The following SGCZ variants were observed in gnomAD, a reference collection of about 807,000 sequenced individuals.
SGCZ encodes zeta-sarcoglycan.
SGCZ carries 40 observed loss-of-function variants against 41.3 expected under a neutral mutation model. The observed-to-expected ratio is 0.97, with a 90% confidence interval of 0.75 to 1.26. SGCZ has a LOEUF of 1.26. SGCZ is among the 50% of genes most tolerant of loss of function. The probability of loss-of-function intolerance (pLI) is 0.00; values close to 1 mark genes in which losing one functional copy is unlikely to be tolerated. For missense variants in SGCZ, 552 were observed against 369.8 expected (o/e 1.49, Z -4.04); for synonymous variants, 206 against 137.5 (o/e 1.50, Z -3.49).
chr8:15,058,506 T>G (rs1175112117), intron 1 of SGCZ, among the ~76,000 whole-genome samples: 1 of 152,216 alleles, frequency 6.6e-6, no homozygotes, highest in Admixed American at 6.5e-5. Flanking sequence ...TAACAAATCT[T>G]AAAAATCTTA....
At chr8:14,100,181 TA>T (rs989049894) in intron 7 of SGCZ, among the ~76,000 whole-genome samples, 153 of 150,886 alleles carry the variant, frequency 1.0e-3, no homozygotes, top group African/African-American at 3.2e-3. Flanking sequence ...TTTGTTACTA[TA>T]AAAAAAAACC....
chr8:14,153,278 T>C (rs944344488), intron 5 of SGCZ, among the ~76,000 whole-genome samples: 3 of 152,196 alleles, frequency 2.0e-5, no homozygotes, highest in Non-Finnish European at 2.9e-5. Context: ...ATTTCCCCCA[T>C]AAACTCAGGA....
chr8:14,793,784 T>C (rs541725998), intron 1 of SGCZ, among the ~76,000 whole-genome samples: 1 of 152,284 alleles, frequency 6.6e-6, no homozygotes, highest in East Asian at 1.9e-4. Context: ...GGTTGTCTAC[T>C]TCTCTTTCAC....
At chr8:14,512,696 C>G (rs1802502842) in intron 2 of SGCZ, among the ~76,000 whole-genome samples, 1 of 151,674 alleles carries the variant, frequency 6.6e-6, no homozygotes, top group African/African-American at 2.4e-5. Context: ...AACCCCTGGT[C>G]TCAAGTAATC....
At chr8:14,362,241 A>T (rs1217872050) in intron 2 of SGCZ, among the ~76,000 whole-genome samples, 2 of 152,190 alleles carry the variant, frequency 1.3e-5, no homozygotes, top group East Asian at 1.9e-4. Context: ...GGGACATTTA[A>T]GTCTGCAGAA....
intron 1 of SGCZ, among the ~76,000 whole-genome samples, chr8:15,059,911 A>G (rs536219791): frequency 8.4e-4 from 128 of 152,322 alleles, no homozygotes; most frequent in Non-Finnish European, 1.8e-4. Context: ...GGGGAATAGA[A>G]CAATGGGTGT....
At chr8:14,704,776 C>G (rs1372780572) in intron 1 of SGCZ, among the ~76,000 whole-genome samples, 1 of 151,794 alleles carries the variant, frequency 6.6e-6, no homozygotes, top group African/African-American at 2.4e-5. Flanking sequence ...TCCTTCTACT[C>G]CTCTTTAAAA....
chr8:14,310,516 T>G (rs1801499543), intron 3 of SGCZ, among the ~76,000 whole-genome samples: 1 of 152,166 alleles, frequency 6.6e-6, no homozygotes, highest in Admixed American at 6.6e-5. Context: ...TTTTTTATTT[T>G]TATTATACTT....
Position 15,198,018 on chromosome 8 carries a change from A to G in SGCZ, c.39+39567T>C, listed in dbSNP as rs182227496. 5.5e-3 allele frequency among the ~76,000 whole-genome samples: 822 copies of G among 148,622 alleles called. 6 individuals carry two copies. The highest frequency in any genetic ancestry group is 0.019 in the African/African-American group (773 of 40,902). On this transcript the variant is annotated intron_variant, in intron 1 of 7. Coordinates refer to ENST00000382080, the MANE Select transcript of SGCZ (RefSeq NM_139167.4). ...TTTACATAATTACATATGTAAATAT[A>G]TGTATTATGTTACATTATATATTTA...
At chr8:14,421,440 T>C (rs1243673155) in intron 2 of SGCZ, among the ~76,000 whole-genome samples, 42 of 152,154 alleles carry the variant, frequency 2.8e-4, no homozygotes, top group Admixed American at 2.6e-3. Context: ...TACCAGGTCT[T>C]GGGATCCCAC....
intron 1 of SGCZ, among the ~76,000 whole-genome samples, chr8:14,996,588 A>G (rs1802227446): frequency 6.6e-6 from 1 of 152,102 alleles, no homozygotes; most frequent in Non-Finnish European, 1.5e-5. Flanking sequence ...TCTAATTGTC[A>G]TTGAGGAAGT....
At chr8:14,945,043 G>A (rs759277370) in intron 1 of SGCZ, among the ~76,000 whole-genome samples, 1 of 151,784 alleles carries the variant, frequency 6.6e-6, no homozygotes, top group African/African-American at 2.4e-5. Context: ...CTTCCATCCT[G>A]TGAAAGTTTG....
chr8:14,822,862 T>C (rs117610794), intron 1 of SGCZ, among the ~76,000 whole-genome samples: 1 of 152,016 alleles, frequency 6.6e-6, no homozygotes, highest in African/African-American at 2.4e-5. Flanking sequence ...GTGACCAGCG[T>C]GTGCAACATT....
At chr8:14,998,463 T>C (rs1024190236) in intron 1 of SGCZ, among the ~76,000 whole-genome samples, 1 of 152,222 alleles carries the variant, frequency 6.6e-6, no homozygotes, top group African/African-American at 2.4e-5. Context: ...GACAGATAGA[T>C]AGCCTGGCAT....
intron 2 of SGCZ, among the ~76,000 whole-genome samples, chr8:14,429,785 G>C (rs914412890): frequency 8.6e-5 from 13 of 151,886 alleles, no homozygotes; most frequent in African/African-American, 2.9e-4. Flanking sequence ...AGTTTTCTTG[G>C]ACTTGTTTTT....
chr8:14,874,115 C>T (rs886865515), intron 1 of SGCZ, among the ~76,000 whole-genome samples: 1 of 152,104 alleles, frequency 6.6e-6, no homozygotes, highest in Non-Finnish European at 1.5e-5. Context: ...TTAATTGAAA[C>T]TGCAGTTCAG....
chr8:15,005,059 C>A (rs1364941014), intron 1 of SGCZ, among the ~76,000 whole-genome samples: 1 of 152,192 alleles, frequency 6.6e-6, no homozygotes, highest in Non-Finnish European at 1.5e-5. Flanking sequence ...TTCTAGATCA[C>A]TTCACACGGT....
At chr8:14,373,701 C>A (rs1419134893) in intron 2 of SGCZ, among the ~76,000 whole-genome samples, 1 of 152,076 alleles carries the variant, frequency 6.6e-6, no homozygotes, top group East Asian at 1.9e-4. Flanking sequence ...TGGTGGAATG[C>A]TGGGGGCAAA....
chr8:14,937,431 G>C (rs1800119865), intron 1 of SGCZ, among the ~76,000 whole-genome samples: 1 of 151,924 alleles, frequency 6.6e-6, no homozygotes, highest in South Asian at 2.1e-4. Flanking sequence ...GTCAGCTTTA[G>C]CAAACATTCA....
Sources: gnomAD v4.1 joint callset for allele counts (sites outside exome capture counted in the v4.1 genomes callset) on GRCh38, gnomAD v4.1.1 for gene constraint, MANE v1.5 for transcripts, NCBI Gene and HGNC (gene_info 2026-07-23, HGNC 2026-07-21) for gene names.